Variants in RAB6A observed in about 807,000 individuals in gnomAD.
The protein encoded by RAB6A is RAB6A, member RAS oncogene family.
Under a neutral mutation model 32.3 loss-of-function variants are expected in RAB6A, and 8 were observed. The ratio of observed to expected loss-of-function variants is 0.25; its 90% CI spans 0.15 to 0.45. The LOEUF is 0.45. Among genes scored for constraint, RAB6A ranks in the 20% least tolerant of loss-of-function variants. The pLI, the probability that RAB6A is intolerant of heterozygous loss-of-function variation, is 1.00. For synonymous variants in RAB6A, 73 were observed against 82.1 expected (o/e 0.89, Z 0.60); for missense variants, 104 against 249.4 (o/e 0.42, Z 3.93).
intron 1 of RAB6A, among the ~76,000 whole-genome samples, chr11:73,741,125 A>C (rs1013065233): frequency 6.6e-6 from 1 of 152,046 alleles, no homozygotes; most frequent in Non-Finnish European, 1.5e-5. Flanking sequence ...TTACCTGACA[A>C]AACAAAATAT....
intron 6 of RAB6A, among the ~76,000 whole-genome samples, chr11:73,707,065 C>T (rs1287521158): frequency 2.0e-5 from 3 of 150,906 alleles, no homozygotes; most frequent in African/African-American, 7.3e-5. Context: ...TTGCAGTGAG[C>T]CGAGATCACG....
chr11:73,731,986 G>A (rs1390518625), intron 1 of RAB6A, among the ~76,000 whole-genome samples: 8 of 151,062 alleles, frequency 5.3e-5, no homozygotes, highest in African/African-American at 1.5e-4. Flanking sequence ...TGATTCGCCC[G>A]CCTCGGCCTC....
At chr11:73,751,051 C>T (rs573930239) in intron 1 of RAB6A, among the ~76,000 whole-genome samples, 44 of 152,200 alleles carry the variant, frequency 2.9e-4, no homozygotes, top group East Asian at 1.7e-3. Flanking sequence ...GCAATCCTCC[C>T]GCCTTAGTGT....
At chr11:73,730,734 G>T in intron 2 of RAB6A, 31 bp downstream of exon 2, 1 of 1,533,950 alleles carries the variant, frequency 6.5e-7, no homozygotes, top group South Asian at 1.2e-5. Flanking sequence ...ACAAAAAATA[G>T]ACAACAAATA....
At position 73,677,850 on chromosome 11, in the gene RAB6A, G is replaced by A; in HGVS notation, c.*48C>T. ...CACTGCAGTCAATGAAAGAGTAAGG[G>A]GGCCAAAGCAGTGAGCTTCTGAAGA... On this transcript the variant is annotated 3_prime_UTR_variant, in exon 8 of 8. Transcript: ENST00000336083. 5 of 1,612,170 alleles carry A rather than the reference G, an allele frequency of 3.1e-6. No homozygotes were observed. The highest frequency in any genetic ancestry group is 4.2e-6 in the Non-Finnish European group (5 of 1,178,238).
chr11:73,729,152 G>T (rs574529715), intron 2 of RAB6A, among the ~76,000 whole-genome samples: 150 of 152,242 alleles, frequency 9.9e-4, no homozygotes, highest in African/African-American at 3.5e-3. Flanking sequence ...AGGCTGGAAT[G>T]CAGTGGTATG....
intron 1 of RAB6A, among the ~76,000 whole-genome samples, chr11:73,750,087 G>C (rs1946651411): frequency 6.6e-6 from 1 of 152,178 alleles, no homozygotes; most frequent in Non-Finnish European, 1.5e-5. Flanking sequence ...AAGTAAGTGA[G>C]AGATACGAAG....
chr11:73,685,463 A>G (rs1945432445), intron 6 of RAB6A, among the ~76,000 whole-genome samples: 1 of 151,272 alleles, frequency 6.6e-6, no homozygotes, highest in Admixed American at 6.6e-5. Context: ...AATTTTTTGC[A>G]ATTTTAGTAG....
chr11:73,687,685 G>A (rs779349325), intron 6 of RAB6A, among the ~76,000 whole-genome samples: 4 of 152,114 alleles, frequency 2.6e-5, no homozygotes, highest in African/African-American at 4.8e-5. Context: ...ATGAAACCCC[G>A]TTTCTTTTAA....
chr11:73,727,671 C>T (rs895660498), intron 2 of RAB6A, among the ~76,000 whole-genome samples: 1 of 152,050 alleles, frequency 6.6e-6, no homozygotes, highest in African/African-American at 2.4e-5. Context: ...CAGGAAGATT[C>T]AATTCAGAAG....
chr11:73,744,067 A>G (rs1489994196), intron 1 of RAB6A, among the ~76,000 whole-genome samples: 1 of 152,024 alleles, frequency 6.6e-6, no homozygotes, highest in Admixed American at 6.6e-5. Flanking sequence ...GGACGGGCGC[A>G]GTGGCTCACG....
At chr11:73,751,365 A>G (rs534521544) in intron 1 of RAB6A, among the ~76,000 whole-genome samples, 1 of 152,296 alleles carries the variant, frequency 6.6e-6, no homozygotes, top group Non-Finnish European at 1.5e-5. Context: ...CCAAGTTAGA[A>G]AGTAGAAAGC....
At chr11:73,753,345 C>A (rs1946696217) in intron 1 of RAB6A, among the ~76,000 whole-genome samples, 1 of 152,006 alleles carries the variant, frequency 6.6e-6, no homozygotes, top group African/African-American at 2.4e-5. Context: ...TACAGATGCA[C>A]GCCATCATGC....
intron 6 of RAB6A, among the ~76,000 whole-genome samples, chr11:73,701,695 T>C (rs996838481): frequency 2.2e-4 from 34 of 152,116 alleles, no homozygotes; most frequent in African/African-American, 8.0e-4. Flanking sequence ...GCTCTATTGC[T>C]CAGGCTGGAG....
intron 1 of RAB6A, among the ~76,000 whole-genome samples, chr11:73,733,406 G>A (rs930549284): frequency 2.2e-4 from 34 of 152,078 alleles, no homozygotes; most frequent in African/African-American, 7.0e-4. Flanking sequence ...AGAATTAGCC[G>A]GGTGTGGTGA....
chr11:73,679,795 C>T, intron 6 of RAB6A, 75 bp from the exon 7 acceptor site: 1 of 1,583,712 alleles, frequency 6.3e-7, no homozygotes, highest in Non-Finnish European at 8.7e-7. Context: ...GATCACTGTA[C>T]AGTGAGCTGT....
At chr11:73,741,191 C>T (rs1037954787) in intron 1 of RAB6A, among the ~76,000 whole-genome samples, 2 of 151,854 alleles carry the variant, frequency 1.3e-5, no homozygotes, top group African/African-American at 4.8e-5. Flanking sequence ...GGCTGGAATG[C>T]GGTGGCGCAA....
intron 6 of RAB6A, among the ~76,000 whole-genome samples, chr11:73,707,132 A>AG (rs1343347585): frequency 6.6e-6 from 1 of 150,866 alleles, no homozygotes; most frequent in South Asian, 2.1e-4. Flanking sequence ...AAAGAAAAAA[A>AG]AAAAAAAAAA....
intron 1 of RAB6A, among the ~76,000 whole-genome samples, chr11:73,742,672 G>A (rs576947245): frequency 5.4e-4 from 82 of 152,164 alleles, no homozygotes; most frequent in African/African-American, 1.8e-3. Flanking sequence ...TTAGCTGGGC[G>A]TGGTAGCACA....
Sources: allele counts gnomAD v4.1 joint callset (sites outside exome capture counted in the v4.1 genomes callset), GRCh38; gene constraint gnomAD v4.1.1; transcripts MANE v1.5; gene names NCBI Gene and HGNC (gene_info 2026-07-23, HGNC 2026-07-21).